MINDY3: variants seen among roughly 807,000 people sequenced by gnomAD.
The protein encoded by MINDY3 is ubiquitin carboxyl-terminal hydrolase MINDY-3.
MINDY3 carries 38 observed loss-of-function variants against 69.2 expected under a neutral mutation model. The observed-to-expected ratio is 0.55, with a 90% CI of 0.42 to 0.72. The LOEUF is 0.72. MINDY3 is among the 30% of genes least tolerant of loss of function. MINDY3 has a pLI of 0.00. For synonymous variants in MINDY3, 192 were observed against 180.1 expected, an observed-to-expected ratio of 1.07 and a Z score of -0.53; for missense variants, 522 against 519.0, an observed-to-expected ratio of 1.01 and a Z score of -0.06.
chr10:15,809,469 C>T (rs762927471), intron 10 of MINDY3, among the ~76,000 whole-genome samples: 6 of 152,124 alleles, frequency 3.9e-5, no homozygotes, highest in Admixed American at 6.6e-5. Context: ...TGCCATGATA[C>T]GATTTCTGAA....
intron 1 of MINDY3, among the ~76,000 whole-genome samples, chr10:15,850,863 T>TC (rs1834234926): frequency 6.6e-6 from 1 of 152,054 alleles, no homozygotes; most frequent in African/African-American, 2.4e-5. Flanking sequence ...ATGTGATGTC[T>TC]CCCCCCGACA....
At chr10:15,823,958 G>A (rs532227791) in intron 8 of MINDY3, among the ~76,000 whole-genome samples, 8 of 152,174 alleles carry the variant, frequency 5.3e-5, no homozygotes, top group African/African-American at 1.9e-4. Context: ...TTCCATTCAC[G>A]TATACTGCAA....
chr10:15,832,034 T>A (rs557667775), intron 8 of MINDY3, among the ~76,000 whole-genome samples: 2 of 152,252 alleles, frequency 1.3e-5, no homozygotes, highest in South Asian at 4.1e-4. Context: ...ATGAAAGTTA[T>A]CTCATCTCAG....
At position 15,847,912 on chromosome 10, in the gene MINDY3, T is replaced by A. The variant is rs751599044; in HGVS notation, c.126A>T (p.Ala42=). ...GFVFSESEGS[A]LEQFEGGPCA... ...AGGGGCCACCTTCAAACTGTTCTAA[T>A]GCAGATCCCTCTGATTCACTAAACA... is the stretch of plus-strand genomic sequence containing the variant. Residue 42 remains alanine, a synonymous_variant, in exon 2 of 15, where the codon GCA becomes GCT. Transcript: ENST00000277632. 1.9e-6 allele frequency: 3 copies of A among 1,614,064 alleles called. No individual in the cohort carries two copies. Among genetic ancestry groups the A allele is most frequent in the South Asian group, 1.1e-5 (1 of 91,078 alleles).
At chr10:15,820,215 C>T (rs1049072646) in intron 9 of MINDY3, among the ~76,000 whole-genome samples, 2 of 152,144 alleles carry the variant, frequency 1.3e-5, no homozygotes, top group Non-Finnish European at 2.9e-5. Flanking sequence ...GGACAGTGAG[C>T]CATCCATCTC....
chr10:15,855,458 C>A (rs531527485), intron 1 of MINDY3, among the ~76,000 whole-genome samples: 20 of 151,200 alleles, frequency 1.3e-4, no homozygotes, highest in African/African-American at 4.9e-4. Flanking sequence ...CCATAAATGG[C>A]CGTTTTTCCT....
intron 1 of MINDY3, among the ~76,000 whole-genome samples, chr10:15,859,006 T>C (rs1235810820): frequency 1.3e-5 from 2 of 152,140 alleles, no homozygotes; most frequent in Non-Finnish European, 2.9e-5. Flanking sequence ...CAGAGGTATA[T>C]TAGGAATCGA....
At chr10:15,844,064 CTT>C (rs1416903743) in intron 2 of MINDY3, among the ~76,000 whole-genome samples, 17 of 152,216 alleles carry the variant, frequency 1.1e-4, no homozygotes, top group African/African-American at 4.1e-4. Flanking sequence ...ATCAGGCAAA[CTT>C]AGGTTTGAAT....
At chr10:15,848,043 A>G (rs1053329654) in intron 1 of MINDY3, 100 bp from the exon 2 acceptor site, 20 of 895,886 alleles carry the variant, frequency 2.2e-5, no homozygotes, top group South Asian at 1.8e-4. Context: ...ACTTATCACA[A>G]CAGCAAAATA....
chr10:15,831,660 G>A (rs980791080), intron 8 of MINDY3, among the ~76,000 whole-genome samples: 2 of 150,648 alleles, frequency 1.3e-5, no homozygotes, highest in Non-Finnish European at 2.9e-5. Flanking sequence ...AGCTGCCTAA[G>A]GAGCCTCCTT....
At chr10:15,844,831 T>C (rs1419764149) in intron 2 of MINDY3, among the ~76,000 whole-genome samples, 1 of 152,152 alleles carries the variant, frequency 6.6e-6, no homozygotes, top group East Asian at 1.9e-4. Context: ...TTTTTAAAGA[T>C]GACAAAAAGT....
At chr10:15,817,433 T>C (rs1839449447) in intron 9 of MINDY3, 1 of 152,590 alleles carries the variant, frequency 6.6e-6, no homozygotes, top group African/African-American at 2.4e-5. Flanking sequence ...TGACTCTTCA[T>C]GATAGAAGGT....
chr10:15,786,566 C>G lies in MINDY3; in HGVS notation c.1111G>C (p.Asp371His). The G allele has an allele frequency of 6.5e-7, 1 of 1,546,170 alleles. No individual in the cohort carries two copies. Among genetic ancestry groups the G allele is most frequent in the Non-Finnish European group, 8.9e-7 (1 of 1,122,158 alleles). Residue 371 changes from aspartate (D) to histidine (H), a missense_variant, in exon 13 of 15, where the codon GAT becomes CAT. Transcript: ENST00000277632. ...LGPFLQEFFP[D>H]QGSSGPESFT... Reference sequence around the variant, plus strand: ...TATTTCCTCAACTATGTTACCTGATCAGGAAAAAATTCTTGAAGAAATGGG... The same window carrying G: ...TATTTCCTCAACTATGTTACCTGATGAGGAAAAAATTCTTGAAGAAATGGG...
chr10:15,838,559 A>G (rs977160223), intron 4 of MINDY3, among the ~76,000 whole-genome samples: 1 of 151,796 alleles, frequency 6.6e-6, no homozygotes, highest in African/African-American at 2.4e-5. Context: ...ATGAAAAATT[A>G]CTGATAATCA....
At chr10:15,780,891 C>T (rs748976487) in intron 14 of MINDY3, among the ~76,000 whole-genome samples, 8 of 152,108 alleles carry the variant, frequency 5.3e-5, no homozygotes, top group Non-Finnish European at 1.0e-4. Flanking sequence ...GAACTCAGTT[C>T]CAATCCCTGT....
At chr10:15,798,428 G>GTAAAC (rs1333157714) in intron 10 of MINDY3, among the ~76,000 whole-genome samples, 1 of 150,978 alleles carries the variant, frequency 6.6e-6, no homozygotes. Flanking sequence ...AGAATTTAAA[G>GTAAAC]TAAACTACCT....
intron 4 of MINDY3, among the ~76,000 whole-genome samples, chr10:15,840,960 A>T (rs1833425227): frequency 6.6e-6 from 1 of 151,614 alleles, no homozygotes; most frequent in Admixed American, 6.6e-5. Flanking sequence ...ATGTATAAAA[A>T]TATCCAAATA....
At position 15,821,677 on chromosome 10, in the gene MINDY3, C is replaced by T. The variant is rs140756231; in HGVS notation, c.780G>A (p.Met260Ile). ...TTACCTTACAGTATCTTAAAGCTTC[C>T]ATTAGTGTTAAAAATCCTACTGCTG... Reference protein sequence around the residue: ...EQAAVGFLTLMEALRYCKVGS... With the variant: ...EQAAVGFLTLIEALRYCKVGS... The change falls in exon 9 of 15, where the codon ATG becomes ATA. Residue 260 changes from methionine to isoleucine, a missense_variant. Met to Ile is a conservative substitution (Grantham distance 10). Transcript: ENST00000277632. 2.5e-6 allele frequency: 4 copies of T among 1,611,088 alleles called. No homozygotes were observed. In the South Asian group the frequency reaches 4.4e-5, roughly 18 times the overall value.
At chr10:15,828,248 G>A (rs1840222394) in intron 8 of MINDY3, among the ~76,000 whole-genome samples, 1 of 152,190 alleles carries the variant, frequency 6.6e-6, no homozygotes, top group African/African-American at 2.4e-5. Flanking sequence ...CAATAAAGAG[G>A]AGTGAAGTAC....
Sources: gnomAD v4.1 joint callset for allele counts (sites outside exome capture counted in the v4.1 genomes callset) on GRCh38, gnomAD v4.1.1 for gene constraint, MANE v1.5 for transcripts, NCBI Gene and HGNC (gene_info 2026-07-23, HGNC 2026-07-21) for gene names.